Variants in GPC5 observed in about 807,000 individuals in gnomAD.
The protein encoded by GPC5 is glypican 5, also known as glypican-5.
Under a neutral mutation model 53.9 loss-of-function variants are expected in GPC5, and 47 were observed. The observed-to-expected ratio is 0.87, with a 90% CI of 0.69 to 1.11. The LOEUF (loss-of-function observed/expected upper bound fraction) is 1.11, where lower values mean the gene tolerates loss of function less well. Ranked by LOEUF, GPC5 falls within the 50% of genes most tolerant of loss-of-function variation. The pLI is 0.00. For missense variants in GPC5, 748 were observed against 713.1 expected (o/e 1.05, Z -0.56); for synonymous variants, 286 against 263.3 (o/e 1.09, Z -0.84).
intron 7 of GPC5, among the ~76,000 whole-genome samples, chr13:92,223,425 G>T (rs900738824): frequency 2.0e-4 from 31 of 152,092 alleles, no homozygotes; most frequent in Admixed American, 2.0e-3. Context: ...AGCTTCAGGG[G>T]TCTTCTATCA....
At chr13:92,064,312 G>A (rs1292004681) in intron 6 of GPC5, among the ~76,000 whole-genome samples, 2 of 152,136 alleles carry the variant, frequency 1.3e-5, no homozygotes, top group African/African-American at 4.8e-5. Flanking sequence ...TAAGCCACCT[G>A]AGAGTTTTAA....
chr13:92,823,916 A>G (rs1877756896), intron 7 of GPC5, among the ~76,000 whole-genome samples: 2 of 151,938 alleles, frequency 1.3e-5, no homozygotes, highest in South Asian at 4.2e-4. Flanking sequence ...ATTTCCCCAG[A>G]CCAACATCAA....
At position 91,609,835 on chromosome 13, in the gene GPC5, G is replaced by A. The variant is rs538426940; in HGVS notation, c.326-83352G>A. 5.7e-4 allele frequency among the ~76,000 whole-genome samples: 87 copies of A among 152,310 alleles called. 2 individuals carry two copies. The South Asian group carries it at 0.018, about 31-fold the overall frequency. ...GATGGATATGGAAAAAACCCAGGCT[G>A]TTCCAGATAGTTCTCCTTATCTCAG... On this transcript the variant is annotated intron_variant, in intron 2 of 7. Transcript: ENST00000377067.
chr13:92,760,526 C>T (rs189045715), intron 7 of GPC5, among the ~76,000 whole-genome samples: 24 of 151,906 alleles, frequency 1.6e-4, no homozygotes, highest in Non-Finnish European at 5.9e-5. Flanking sequence ...GTGTCTCCAC[C>T]TTCATTTCTG....
chr13:92,142,455 A>G (rs1489015791), intron 6 of GPC5, among the ~76,000 whole-genome samples: 3 of 152,214 alleles, frequency 2.0e-5, no homozygotes, highest in Non-Finnish European at 4.4e-5. Flanking sequence ...TAAAAATTTG[A>G]GTTCATGTGC....
intron 7 of GPC5, among the ~76,000 whole-genome samples, chr13:92,471,778 G>T (rs1878923935): frequency 1.3e-5 from 2 of 152,114 alleles, no homozygotes; most frequent in African/African-American, 4.8e-5. Context: ...GAGGATTTGT[G>T]TGAATGTCTA....
intron 7 of GPC5, among the ~76,000 whole-genome samples, chr13:92,693,429 A>G (rs568163301): frequency 6.6e-6 from 1 of 152,156 alleles, no homozygotes; most frequent in South Asian, 2.1e-4. Context: ...ATGAAAAGTG[A>G]AGTTCAGGCT....
chr13:92,431,390 C>CTTTT (rs3064652), intron 7 of GPC5, among the ~76,000 whole-genome samples: 31,764 of 136,914 alleles, frequency 0.23, 3,951 homozygotes, highest in East Asian at 0.46. Flanking sequence ...AAAGACACAG[C>CTTTT]TTTTTTTTTT....
intron 7 of GPC5, among the ~76,000 whole-genome samples, chr13:92,597,542 G>A (rs184695571): frequency 1.6e-4 from 25 of 152,138 alleles, no homozygotes; most frequent in East Asian, 3.9e-4. Context: ...TGGGTGGTGC[G>A]TGGAGGAATC....
At position 92,752,604 on chromosome 13, in the gene GPC5, G is replaced by C. The variant is rs2139327554; in HGVS notation, c.1562-113678G>C. ...GGGTTCATCTCACTAGGGAGTGCCA[G>C]ACAGTGGGCGCAGGTCAGTGGGTGC... On this transcript the variant is annotated intron_variant, in intron 7 of 7. Coordinates refer to ENST00000377067, the MANE Select transcript of GPC5 (RefSeq NM_004466.6). 1.3e-5 allele frequency among the ~76,000 whole-genome samples: 2 copies of C among 152,270 alleles called. 1 individual carries two copies. The highest frequency in any genetic ancestry group is 4.1e-4 in the South Asian group (2 of 4,834).
intron 6 of GPC5, among the ~76,000 whole-genome samples, chr13:92,085,446 G>A (rs1466520908): frequency 6.6e-6 from 1 of 152,138 alleles, no homozygotes; most frequent in South Asian, 2.1e-4. Context: ...ATCATGAGTG[G>A]AAGAACAGAC....
At chr13:91,985,645 T>C (rs1280692711) in intron 6 of GPC5, among the ~76,000 whole-genome samples, 1 of 152,202 alleles carries the variant, frequency 6.6e-6, no homozygotes, top group African/African-American at 2.4e-5. Context: ...ACCTTCTTGA[T>C]TTGTTGTAGC....
At chr13:92,413,701 C>A (rs1876150719) in intron 7 of GPC5, among the ~76,000 whole-genome samples, 1 of 152,040 alleles carries the variant, frequency 6.6e-6, no homozygotes, top group African/African-American at 2.4e-5. Context: ...GAGCTGTGAG[C>A]TTAGATAAAA....
chr13:91,746,099 T>C (rs961923638), intron 4 of GPC5, among the ~76,000 whole-genome samples: 2 of 152,194 alleles, frequency 1.3e-5, no homozygotes, highest in African/African-American at 2.4e-5. Context: ...AACCTGTAAT[T>C]ATATATTTCC....
At chr13:91,726,709 C>G (rs1180485526) in intron 3 of GPC5, among the ~76,000 whole-genome samples, 1 of 152,178 alleles carries the variant, frequency 6.6e-6, no homozygotes, top group Non-Finnish European at 1.5e-5. Context: ...TCTTGTCCCT[C>G]CTGTGCGTCT....
At chr13:91,597,259 C>A (rs185867168) in intron 2 of GPC5, among the ~76,000 whole-genome samples, 1 of 152,240 alleles carries the variant, frequency 6.6e-6, no homozygotes, top group Admixed American at 6.5e-5. Context: ...CAATCTTGGT[C>A]AGAAGCAGAA....
At chr13:92,051,182 C>T (rs2041024250) in intron 6 of GPC5, among the ~76,000 whole-genome samples, 1 of 149,148 alleles carries the variant, frequency 6.7e-6, no homozygotes, top group African/African-American at 2.5e-5. Context: ...AGAGGAGAGA[C>T]TGCATTTCAT....
chr13:92,017,031 G>C lies in GPC5; in HGVS notation c.1401+108974G>C, dbSNP rs114442566. The stretch of plus-strand genomic sequence containing the variant: ...GCAGAGAGGGGAACAATGGCCTGTC[G>C]ATGCTGGGTGGTGTTGGGAATCTCT... On this transcript the variant is annotated intron_variant, in intron 6 of 7. Transcript: ENST00000377067. 4.6e-3 allele frequency among the ~76,000 whole-genome samples: 705 copies of C among 152,216 alleles called. 7 individuals carry two copies. Among genetic ancestry groups the C allele is most frequent in the African/African-American group, 0.016 (669 of 41,534 alleles).
chr13:91,671,162 G>A (rs1310153684), intron 2 of GPC5, among the ~76,000 whole-genome samples: 2 of 152,130 alleles, frequency 1.3e-5, no homozygotes, highest in Non-Finnish European at 2.9e-5. Flanking sequence ...TTGATATAAT[G>A]AACATAAGCG....
Sources: allele counts gnomAD v4.1 joint callset (sites outside exome capture counted in the v4.1 genomes callset), GRCh38; gene constraint gnomAD v4.1.1; transcripts MANE v1.5; gene names NCBI Gene and HGNC (gene_info 2026-07-23, HGNC 2026-07-21).